Variants in MSH4 observed in about 807,000 individuals in gnomAD.
The protein encoded by MSH4 is mutS protein homolog 4.
In MSH4, 106 loss-of-function variants were observed where a neutral mutation model predicts 113.7. That is an observed-to-expected ratio of 0.93 (90% confidence interval 0.80 to 1.10). The LOEUF is 1.10. Ranked by LOEUF, MSH4 falls within the 50% of genes least tolerant of loss-of-function variation. The pLI, the probability that MSH4 is intolerant of heterozygous loss-of-function variation, is 0.00. For missense variants in MSH4, 1,061 were observed against 1,093.7 expected (o/e 0.97, Z 0.42); for synonymous variants, 368 against 380.2 (o/e 0.97, Z 0.37).
intron 7 of MSH4, among the ~76,000 whole-genome samples, chr1:75,847,448 A>G (rs748704740): frequency 6.6e-5 from 10 of 152,226 alleles, no homozygotes; most frequent in Non-Finnish European, 1.2e-4. Context: ...AAAAGTAGAG[A>G]TCAAAAAGAT....
chr1:75,831,362 C>A (rs1557500470), intron 7 of MSH4, among the ~76,000 whole-genome samples: 1 of 152,110 alleles, frequency 6.6e-6, no homozygotes. Context: ...ACCCCACTGT[C>A]AACATTAGAC....
intron 1 of MSH4, among the ~76,000 whole-genome samples, chr1:75,801,904 C>T (rs1649944493): frequency 6.6e-6 from 1 of 151,450 alleles, no homozygotes; most frequent in African/African-American, 2.4e-5. Context: ...CATGGTGGCT[C>T]CCGATTATAA....
At chr1:75,863,308 T>A (rs1194413251) in intron 8 of MSH4, among the ~76,000 whole-genome samples, 1 of 152,192 alleles carries the variant, frequency 6.6e-6, no homozygotes, top group African/African-American at 2.4e-5. Flanking sequence ...CATAGTATTA[T>A]CTAGAACTGC....
chr1:75,858,656 G>T (rs1022714099), intron 8 of MSH4, among the ~76,000 whole-genome samples: 2 of 152,180 alleles, frequency 1.3e-5, no homozygotes, highest in Admixed American at 1.3e-4. Context: ...TGTGCTGCTG[G>T]ATTCGGTTTG....
At chr1:75,850,812 AT>A (rs1553135147) in intron 8 of MSH4, among the ~76,000 whole-genome samples, 1 of 151,952 alleles carries the variant, frequency 6.6e-6, no homozygotes. Context: ...GGATTTGTCT[AT>A]TTTTCCTTTC....
At chr1:75,816,080 T>C (rs1650286275) in intron 5 of MSH4, among the ~76,000 whole-genome samples, 1 of 152,140 alleles carries the variant, frequency 6.6e-6, no homozygotes, top group Non-Finnish European at 1.5e-5. Context: ...CATCAAAAAT[T>C]GATGCAAATT....
At position 75,803,710 on chromosome 1, in the gene MSH4, CTGTT is replaced by C. The variant is rs1257760879; in HGVS notation, c.245-20_245-17del. On this transcript the variant is annotated splice_polypyrimidine_tract_variant and intron_variant, in intron 1 of 19. Coordinates refer to ENST00000263187, the MANE Select transcript of MSH4 (RefSeq NM_002440.4). ...CATAATTCAAATCTTTAAGAATTGA[CTGTT>C]AATTTTTCAAATTTAGGTTCATACT... 3 of 1,493,238 alleles carry C rather than the reference CTGTT, an allele frequency of 2.0e-6. No homozygotes were observed. Among genetic ancestry groups the C allele is most frequent in the South Asian group, 2.7e-5 (2 of 74,380 alleles). The allele number at this position is 1,493,238 out of a possible 1,614,324, so 92.5% of individuals were successfully genotyped here. A position where few individuals can be genotyped will look rare whatever the true frequency, so the allele number is the denominator to read the frequency against.
At chr1:75,875,126 T>G (rs563940290) in intron 9 of MSH4, among the ~76,000 whole-genome samples, 1 of 152,266 alleles carries the variant, frequency 6.6e-6, no homozygotes, top group East Asian at 1.9e-4. Context: ...ACTCCTGAGC[T>G]CAAGCAATTT....
chr1:75,824,907 T>G (rs1650513417), intron 7 of MSH4, among the ~76,000 whole-genome samples: 1 of 149,826 alleles, frequency 6.7e-6, no homozygotes, highest in Non-Finnish European at 1.5e-5. Context: ...CAGCTTTGTT[T>G]TTTTTTTTTT....
rs188637483 is a variant in MSH4, at chr1:75,866,676, C to T, written c.1231-838C>T. Among the ~76,000 whole-genome samples the T allele has an allele frequency of 2.4e-3, 360 of 152,024 alleles. 4 individuals are homozygous for T. The highest frequency in any genetic ancestry group is 5.6e-4 in the Non-Finnish European group (38 of 67,986). Reference sequence around the variant, plus strand: ...TATTGTGCAGTGGGGCTATAGACCACGGTACCTCAAAAAGAAACATCTGGC... The same window carrying T: ...TATTGTGCAGTGGGGCTATAGACCATGGTACCTCAAAAAGAAACATCTGGC... On this transcript the variant is annotated intron_variant, in intron 8 of 19. Transcript: ENST00000263187.
chr1:75,813,053 A>G (rs1650221956), intron 4 of MSH4, among the ~76,000 whole-genome samples: 1 of 152,136 alleles, frequency 6.6e-6, no homozygotes, highest in African/African-American at 2.4e-5. Flanking sequence ...TACTGCAGAT[A>G]GTTTACTTCT....
chr1:75,832,261 C>T (rs1650713125), intron 7 of MSH4, among the ~76,000 whole-genome samples: 1 of 152,088 alleles, frequency 6.6e-6, no homozygotes, highest in South Asian at 2.1e-4. Context: ...CTGAATAGAC[C>T]AATAACAGGC....
At chr1:75,866,760 C>T (rs1651570316) in intron 8 of MSH4, among the ~76,000 whole-genome samples, 1 of 151,782 alleles carries the variant, frequency 6.6e-6, no homozygotes. Flanking sequence ...ATGGCTGGAT[C>T]ATCTGAGGTC....
intron 9 of MSH4, among the ~76,000 whole-genome samples, chr1:75,869,926 GGTAGATCCACC>G (rs1651676411): frequency 6.6e-6 from 1 of 152,172 alleles, no homozygotes; most frequent in Admixed American, 6.5e-5. Flanking sequence ...ACTCCAGAAT[GGTAGATCCACC>G]GACAGATTGC....
chr1:75,883,082 G>T lies in MSH4; in HGVS notation c.1907-539G>T, dbSNP rs529552033. Among the ~76,000 whole-genome samples the T allele has an allele frequency of 2.0e-5, 3 of 151,744 alleles. No homozygotes were observed. The South Asian group carries it at 6.2e-4, about 32-fold the overall frequency. ...TGCAGTGGCACAATCTCAGCTCACT[G>T]CAGTCTTCACCTCCCAGGCTCAAGA... On this transcript the variant is annotated intron_variant, in intron 14 of 19. Coordinates refer to ENST00000263187, the MANE Select transcript of MSH4 (RefSeq NM_002440.4).
At chr1:75,895,002 TA>T (rs1236208337) in intron 17 of MSH4, among the ~76,000 whole-genome samples, 17 of 152,262 alleles carry the variant, frequency 1.1e-4, no homozygotes, top group Middle Eastern at 3.4e-3. Context: ...CCATTACCCC[TA>T]GTAACTCAAG....
At chr1:75,877,333 G>T (rs1256967194) in intron 10 of MSH4, among the ~76,000 whole-genome samples, 1 of 152,024 alleles carries the variant, frequency 6.6e-6, no homozygotes, top group Non-Finnish European at 1.5e-5. Flanking sequence ...GTTAAATCAT[G>T]AAGGGTCTAA....
At chr1:75,878,006 A>G in intron 10 of MSH4, 143 bp from the exon 11 acceptor site, 1 of 575,892 alleles carries the variant, frequency 1.7e-6, no homozygotes, top group Non-Finnish European at 2.9e-6. Context: ...AACTTAAGTA[A>G]ATTTAAATAT....
intron 19 of MSH4, among the ~76,000 whole-genome samples, chr1:75,908,168 CAG>C (rs1269433211): frequency 7.9e-6 from 1 of 126,542 alleles, no homozygotes; most frequent in Non-Finnish European, 1.6e-5. Flanking sequence ...TTTTTTGAGA[CAG>C]AGTCTGGCTC....
Sources: gnomAD v4.1 joint callset for allele counts (sites outside exome capture counted in the v4.1 genomes callset) on GRCh38, gnomAD v4.1.1 for gene constraint, MANE v1.5 for transcripts, NCBI Gene and HGNC (gene_info 2026-07-23, HGNC 2026-07-21) for gene names.